EHBP1L1: variants seen among roughly 807,000 people sequenced by gnomAD.
The protein encoded by EHBP1L1 is EH domain-binding protein 1-like protein 1.
In EHBP1L1, 122 loss-of-function variants were observed where a neutral mutation model predicts 151.1. The observed-to-expected ratio is 0.81, with a 90% CI of 0.70 to 0.94. EHBP1L1 has a LOEUF of 0.94. Ranked by LOEUF, EHBP1L1 falls within the 40% of genes least tolerant of loss-of-function variation. EHBP1L1 has a pLI of 0.00. For synonymous variants in EHBP1L1, 878 were observed against 810.1 expected, an observed-to-expected ratio of 1.08 and a Z score of -1.42; for missense variants, 1,941 against 1,959.8, an observed-to-expected ratio of 0.99 and a Z score of 0.18.
chr11:65,579,750 C>T (rs1337926534), intron 3 of EHBP1L1, among the ~76,000 whole-genome samples, 186 bp from the exon 4 acceptor site: 2 of 150,358 alleles, frequency 1.3e-5, no homozygotes, highest in African/African-American at 4.9e-5. Context: ...TTGCTTGAAC[C>T]TGGGAGGCAG....
intron 16 of EHBP1L1, 67 bp downstream of exon 16, chr11:65,590,659 ACTTT>A: frequency 7.5e-7 from 1 of 1,327,680 alleles, no homozygotes; most frequent in Non-Finnish European, 1.1e-6. Context: ...GTTCTTCACT[ACTTT>A]CTTATTCCTA....
chr11:65,584,808 T>C (rs1304671557), intron 11 of EHBP1L1, 151 bp from the exon 12 acceptor site: 1 of 1,138,714 alleles, frequency 8.8e-7, no homozygotes, highest in African/African-American at 1.6e-5. Context: ...GCGGGCCTTG[T>C]TGCTGGATTT....
In EHBP1L1 at chr11:65,576,421, G is replaced by C; in HGVS notation, c.104+15G>C. 1 of 1,561,462 alleles carries C rather than the reference G, an allele frequency of 6.4e-7. No individual in the cohort carries two copies. Among genetic ancestry groups the C allele is most frequent in the Non-Finnish European group, 8.7e-7 (1 of 1,152,952 alleles). ...ACCAAGAAATGGTGAGTGGGAGGGA[G>C]GCGGGGGGGCTCCCCCGAACTTGCT... is the stretch of plus-strand genomic sequence containing the variant. On this transcript the variant is annotated intron_variant, in intron 1 of 18. Coordinates refer to ENST00000309295, the MANE Select transcript of EHBP1L1 (RefSeq NM_001099409.3).
At chr11:65,587,371 CAAA>C (rs113665152) in intron 12 of EHBP1L1, among the ~76,000 whole-genome samples, 5 of 99,392 alleles carry the variant, frequency 5.0e-5, no homozygotes, top group Non-Finnish European at 4.4e-5. Context: ...GACTCCGTCT[CAAA>C]AAAAAAAAAA....
At chr11:65,578,929 G>T in intron 1 of EHBP1L1, 149 bp from the exon 2 acceptor site, 1 of 763,936 alleles carries the variant, frequency 1.3e-6, no homozygotes, top group Non-Finnish European at 2.1e-6. Flanking sequence ...CCCAGATAAG[G>T]GGCTGCCCAG....
At chr11:65,588,183 AG>A (rs558727523) in intron 12 of EHBP1L1, among the ~76,000 whole-genome samples, 1 of 151,782 alleles carries the variant, frequency 6.6e-6, no homozygotes, top group Non-Finnish European at 1.5e-5. Context: ...GGGCCCCGGC[AG>A]GGGGGTCTCT....
At chr11:65,577,004 C>T (rs935899686) in intron 1 of EHBP1L1, among the ~76,000 whole-genome samples, 4 of 152,084 alleles carry the variant, frequency 2.6e-5, no homozygotes, top group African/African-American at 7.2e-5. Context: ...GGCCTGAGGA[C>T]CTAGGAGGTT....
rs1857645329 is a variant in EHBP1L1, at chr11:65,582,136, C to T, written c.1464C>T (p.His488=). 1 of 1,591,014 alleles carries T rather than the reference C, an allele frequency of 6.3e-7. No individual in the cohort carries two copies. Among genetic ancestry groups the T allele is most frequent in the African/African-American group, 1.4e-5 (1 of 73,938 alleles). The change falls in exon 9 of 19, where the codon CAC becomes CAT. Residue 488 remains histidine (H), a synonymous_variant. Transcript: ENST00000309295. ...TGCCCCCAGCGGAGCCTGCAGGGCACTCTGGGCAACTTGGTGACCTCGAGG... is the reference window on the plus strand; with the variant it reads ...TGCCCCCAGCGGAGCCTGCAGGGCATTCTGGGCAACTTGGTGACCTCGAGG... ...LSLPPAEPAG[H]SGQLGDLEGA...
At position 65,585,229 on chromosome 11, in the gene EHBP1L1, C is replaced by T. The variant is rs1857895646; in HGVS notation, c.3571C>T (p.Gln1191Ter). The T allele has an allele frequency of 3.5e-6, 4 of 1,133,678 alleles. No homozygotes were observed. The highest frequency in any genetic ancestry group is 4.3e-6 in the Non-Finnish European group (4 of 924,732). 70.2% of individuals were successfully genotyped at this position (1,133,678 alleles called of 1,614,324 possible). The change falls in exon 12 of 19, where the codon CAG (glutamine) becomes TAG (stop). Residue 1191 changes from glutamine (Q) to a stop codon, truncating the protein, a stop_gained. Coordinates refer to ENST00000309295, the MANE Select transcript of EHBP1L1 (RefSeq NM_001099409.3). LOFTEE classifies it high-confidence loss of function. The surrounding 1 kb of genome is among the most constrained non-coding windows in gnomAD (Gnocchi z 4.0). The part of the protein sequence containing the change: ...RLRGHGAEGP[Q>*]EPKEAADRAD... ...GCGCGGTCACGGGGCCGAGGGGCCC[C>T]AGGAGCCCAAGGAGGCCGCAGACCG...
At chr11:65,584,563 G>T (rs774501718) in intron 11 of EHBP1L1, 29 bp downstream of exon 11, 1 of 1,604,648 alleles carries the variant, frequency 6.2e-7, no homozygotes, top group Non-Finnish European at 8.5e-7. Context: ...CTGCCTGGAG[G>T]GAAGGAGGGT....
At position 65,580,232 on chromosome 11, in the gene EHBP1L1, G is replaced by C. The variant is rs1342499065; in HGVS notation, c.464G>C (p.Gly155Ala). ...VQAELSLTLS[G>A]VLLREGRATD... Reference sequence around the variant, plus strand: ...GCTGAGCTGAGCCTCACTCTTTCCGGGGTGCTGCTGCGGGAGGGCCGTGCC... The same window carrying C: ...GCTGAGCTGAGCCTCACTCTTTCCGCGGTGCTGCTGCGGGAGGGCCGTGCC... The change falls in exon 5 of 19, where the codon GGG becomes GCG. Residue 155 changes from glycine (G) to alanine (A), a missense_variant. Physicochemically the swap from Gly to Ala is moderately conservative, Grantham distance 60. Transcript: ENST00000309295. 6 of 1,613,590 alleles carry C rather than the reference G, an allele frequency of 3.7e-6. No homozygotes were observed. In the South Asian group the frequency reaches 5.5e-5, roughly 15 times the overall value.
chr11:65,591,115 G>A (rs1408140164), intron 16 of EHBP1L1: 1 of 162,690 alleles, frequency 6.1e-6, no homozygotes, highest in Admixed American at 5.7e-5. Context: ...GCCGGGCGCG[G>A]TGGCTCACGC....
rs1277392221 is a variant in EHBP1L1 at position 65,585,397 on chromosome 11, G to T, written c.3739G>T (p.Gly1247Cys). 3.7e-6 allele frequency: 5 copies of T among 1,334,314 alleles called. No homozygotes were observed. Among genetic ancestry groups the T allele is most frequent in the Non-Finnish European group, 3.8e-6 (4 of 1,047,170 alleles). The allele number at this position is 1,334,314 out of a possible 1,614,324, so 82.7% of individuals were successfully genotyped here. A position where few individuals can be genotyped will look rare whatever the true frequency, so the allele number is the denominator to read the frequency against. Residue 1247 changes from glycine to cysteine, a missense_variant, in exon 12 of 19, where the codon GGC (glycine) becomes TGC (cysteine). By Grantham distance (159) the Gly-to-Cys change is radical. Transcript: ENST00000309295. The surrounding 1 kb of genome is among the most constrained non-coding windows in gnomAD (Gnocchi z 4.0). ...GCTGGTGAACGGGGCGGGGGCACCG[G>T]GCGGCGGCGGCGTGAGGCTGCGACG... ...EGLVNGAGAP[G>C]GGGVRLRRPS...
At position 65,583,312 on chromosome 11, in the gene EHBP1L1, G is replaced by A. The variant is rs570572193; in HGVS notation, c.2640G>A (p.Glu880=). 3.7e-6 allele frequency: 6 copies of A among 1,613,728 alleles called. No homozygotes were observed. The South Asian group carries it at 5.5e-5, about 15-fold the overall frequency. ...EIIVPEAEKE[E]AQTSGVQEAE... Reference sequence around the variant, plus strand: ...TAGTTCCAGAGGCTGAGAAGGAAGAGGCTCAGACTTCGGGGGTCCAGGAAG... The same window carrying A: ...TAGTTCCAGAGGCTGAGAAGGAAGAAGCTCAGACTTCGGGGGTCCAGGAAG... The change falls in exon 9 of 19, where the codon GAG becomes GAA. Residue 880 remains glutamate, a synonymous_variant. Transcript: ENST00000309295.
At chr11:65,578,908 C>T (rs1056805838) in intron 1 of EHBP1L1, among the ~76,000 whole-genome samples, 170 bp from the exon 2 acceptor site, 4 of 152,244 alleles carry the variant, frequency 2.6e-5, no homozygotes, top group African/African-American at 9.6e-5. Flanking sequence ...CTCCACCCTG[C>T]ACCCTGTGGC....
chr11:65,583,778 G>A lies in EHBP1L1; in HGVS notation c.3093+13G>A, dbSNP rs993886518. 7 of 1,462,462 alleles carry A rather than the reference G, an allele frequency of 4.8e-6. No homozygotes were observed. Among genetic ancestry groups the A allele is most frequent in the East Asian group, 2.5e-5 (1 of 40,474 alleles). The allele number at this position is 1,462,462 out of a possible 1,614,324, so 90.6% of individuals were successfully genotyped here. A position where few individuals can be genotyped will look rare whatever the true frequency, so the allele number is the denominator to read the frequency against. On this transcript the variant is annotated intron_variant, in intron 9 of 18. Coordinates refer to ENST00000309295, the MANE Select transcript of EHBP1L1 (RefSeq NM_001099409.3). ...GCCGGGCAGCCAGGTAGGGATGGGG[G>A]CCGCCGAGGGCCCAGTCTGCTGCTT...
rs765710415 is a variant in EHBP1L1, at chr11:65,576,423, C to A, written c.104+17C>A. ...CAAGAAATGGTGAGTGGGAGGGAGGCGGGGGGGCTCCCCCGAACTTGCTGG... is the reference window on the plus strand; with the variant it reads ...CAAGAAATGGTGAGTGGGAGGGAGGAGGGGGGGCTCCCCCGAACTTGCTGG... On this transcript the variant is annotated intron_variant, in intron 1 of 18. Coordinates refer to ENST00000309295, the MANE Select transcript of EHBP1L1 (RefSeq NM_001099409.3). 5 of 1,553,732 alleles carry A rather than the reference C, an allele frequency of 3.2e-6. No individual in the cohort carries two copies. In the East Asian group the frequency reaches 1.2e-4, roughly 37 times the overall value.
intron 3 of EHBP1L1, among the ~76,000 whole-genome samples, chr11:65,579,672 C>T (rs1038889479): frequency 6.6e-6 from 1 of 151,660 alleles, no homozygotes; most frequent in African/African-American, 2.4e-5. Flanking sequence ...GGGGTGCATC[C>T]CAGGAGGAGG....
intron 1 of EHBP1L1, 70 bp downstream of exon 1, chr11:65,576,476 A>C: frequency 7.1e-7 from 1 of 1,402,316 alleles, no homozygotes; most frequent in Non-Finnish European, 9.7e-7. Context: ...TGAGCCTGAG[A>C]GGACTCTGCC....
Sources: gnomAD v4.1 joint callset for allele counts (sites outside exome capture counted in the v4.1 genomes callset) on GRCh38, gnomAD v4.1.1 for gene constraint, Gnocchi (gnomAD v3.1) non-coding constraint, MANE v1.5 for transcripts, NCBI Gene and HGNC (gene_info 2026-07-23, HGNC 2026-07-21) for gene names.